HMX1: variants seen among roughly 807,000 people sequenced by gnomAD.
HMX1 encodes H6 family homeobox 1.
A neutral mutation model predicts 8.9 loss-of-function variants in HMX1; 8 were observed. That is an observed-to-expected ratio of 0.90 (90% CI 0.53 to 1.63). The LOEUF is 1.63. Among genes scored for constraint, HMX1 ranks in the 40% most tolerant of loss-of-function variants. The probability of loss-of-function intolerance (pLI) is 0.00; values close to 1 mark genes in which losing one functional copy is unlikely to be tolerated. For synonymous variants in HMX1, 311 were observed against 283.4 expected (o/e 1.10, Z -0.98); for missense variants, 621 against 558.5 (o/e 1.11, Z -1.13).
intron 1 of HMX1, among the ~76,000 whole-genome samples, chr4:8,861,961 C>G (rs1033238961): frequency 6.6e-6 from 1 of 152,250 alleles, no homozygotes; most frequent in African/African-American, 2.4e-5. Flanking sequence ...GCGTGGGTGA[C>G]TCGGGCTGGG....
At chr4:8,866,934 C>T (rs1722017033), downstream of HMX1, 1 of 351,804 alleles carries the variant, frequency 2.8e-6, no homozygotes, top group Admixed American at 6.5e-5. Context: ...TGCACCTGGC[C>T]CAGCCCTGGG....
At chr4:8,863,069 G>T (rs1264864291), downstream of HMX1, among the ~76,000 whole-genome samples, 1 of 152,064 alleles carries the variant, frequency 6.6e-6, no homozygotes, top group East Asian at 1.9e-4. Flanking sequence ...CCACTTCCCA[G>T]CGGGACCCTG....
Position 8,853,046 on chromosome 4 carries a change from C to G in HMX1, c.395-6722G>C, listed in dbSNP as rs894568266. The stretch of plus-strand genomic sequence containing the variant: ...GGTTCCTGGCCACACTAGCCCTGGG[C>G]TGCCCACCTCCCACTGTGGTCAGTG... On this transcript the variant is annotated intron_variant, in intron 1 of 1. Coordinates refer to the HMX1 transcript ENST00000506970. The surrounding 1 kb of genome is among the most constrained non-coding windows in gnomAD (Gnocchi z 4.7). 1.1e-4 allele frequency among the ~76,000 whole-genome samples: 16 copies of G among 151,966 alleles called. No homozygotes were observed. Among genetic ancestry groups the G allele is most frequent in the African/African-American group, 3.9e-4 (16 of 41,366 alleles).
rs1293606855 is a variant in HMX1, at chr4:8,871,060, A to C, written c.394+161T>G. 8.0e-6 allele frequency among the ~76,000 whole-genome samples: 1 copy of C among 125,272 alleles called. No individual in the cohort carries two copies. Among genetic ancestry groups the C allele is most frequent in the African/African-American group, 2.6e-5 (1 of 37,974 alleles). 82.2% of individuals were successfully genotyped at this position (125,272 alleles called of 152,430 possible). A position where few individuals can be genotyped will look rare whatever the true frequency, so the allele number is the denominator to read the frequency against. Reference sequence around the variant, plus strand: ...AGAGGGTGGGCCTCCAAACCAGCCCAACCAGGGGCTCCTGGGGGCCCCACA... The same window carrying C: ...AGAGGGTGGGCCTCCAAACCAGCCCCACCAGGGGCTCCTGGGGGCCCCACA... On this transcript the variant is annotated intron_variant, in intron 1 of 1. Coordinates refer to ENST00000400677, the MANE Select transcript of HMX1 (RefSeq NM_018942.3). This position sits in a 1 kb window ranked among gnomAD's most constrained non-coding sequence, Gnocchi z 4.8.
rs1187370823 is a variant in HMX1, at chr4:8,868,271, G to T, written c.469C>A (p.Pro157Thr). The change falls in exon 2 of 2, where the codon CCG becomes ACG. Residue 157 changes from proline to threonine, a missense_variant. Coordinates refer to ENST00000400677, the MANE Select transcript of HMX1 (RefSeq NM_018942.3). The surrounding 1 kb of genome is among the most constrained non-coding windows in gnomAD (Gnocchi z 4.6). ...GCTGCCTCCCGCTGCACCGCTCCCG[G>T]CCCGGGGCCTCGCGGCCAGGCGCCC... is the stretch of plus-strand genomic sequence containing the variant. ...AEGAWPRGPG[P>T]GAVQREAAEL... is the part of the protein sequence containing the mutation. The T allele has an allele frequency of 6.9e-7, 1 of 1,440,638 alleles. No individual in the cohort carries two copies. The highest frequency in any genetic ancestry group is 9.1e-7 in the Non-Finnish European group (1 of 1,102,988). The allele number at this position is 1,440,638 out of a possible 1,614,324, so 89.2% of individuals were successfully genotyped here.
Position 8,848,776 on chromosome 4 carries a change from A to G in HMX1, c.395-2452T>C, listed in dbSNP as rs143407944. 1.9e-3 allele frequency among the ~76,000 whole-genome samples: 297 copies of G among 152,354 alleles called. 5 individuals carry two copies. The East Asian group carries it at 0.032, about 16-fold the overall frequency. ...GTCAGAAGATTACCCCAGGGCAAGT[A>G]GCAAGGAGACATCATAAGGGCTTTT... On this transcript the variant is annotated intron_variant, in intron 1 of 1. Coordinates refer to the HMX1 transcript ENST00000506970. This position sits in a 1 kb window ranked among gnomAD's most constrained non-coding sequence, Gnocchi z 4.1.
downstream of HMX1, among the ~76,000 whole-genome samples, chr4:8,863,151 C>T (rs918228799): frequency 3.3e-5 from 5 of 152,152 alleles, no homozygotes; most frequent in African/African-American, 9.7e-5. Context: ...AGTGCACAGG[C>T]GGGGAGGAAC....
In HMX1 at chr4:8,849,438, T is replaced by C. The variant is rs935565154; in HGVS notation, c.395-3114A>G. Among the ~76,000 whole-genome samples the C allele has an allele frequency of 2.6e-5, 4 of 151,878 alleles. No individual in the cohort carries two copies. The highest frequency in any genetic ancestry group is 9.7e-5 in the African/African-American group (4 of 41,352). On this transcript the variant is annotated intron_variant, in intron 1 of 1. Coordinates refer to the HMX1 transcript ENST00000506970. This position sits in a 1 kb window ranked among gnomAD's most constrained non-coding sequence, Gnocchi z 6.6. ...GCACCACGTGGCCTTGAGCCACAGATTGCCAGATGCCATCAGAAGCTGGAG... is the reference window on the plus strand; with the variant it reads ...GCACCACGTGGCCTTGAGCCACAGACTGCCAGATGCCATCAGAAGCTGGAG...
Position 8,867,818 on chromosome 4 carries a change from G to A in HMX1, c.922C>T (p.Pro308Ser), listed in dbSNP as rs1040106231. ...PPATLPFPLA[P>S]AAPAPPPPLL... ...GGTGGGGGCGGCGCGGGCGCGGCGG[G>A]CGCCAGCGGGAAGGGCAGGGTGGCC... is the stretch of plus-strand genomic sequence containing the variant. The change falls in exon 2 of 2, where the codon CCC (proline) becomes TCC (serine). Residue 308 changes from proline (P) to serine (S), a missense_variant. By Grantham distance (74) the Pro-to-Ser change is moderately conservative (BLOSUM62 -1). Transcript: ENST00000400677. 396 of 1,226,040 alleles carry A rather than the reference G, an allele frequency of 3.2e-4. No individual in the cohort carries two copies. Among genetic ancestry groups the A allele is most frequent in the Non-Finnish European group, 3.9e-4 (385 of 986,742 alleles). 75.9% of individuals were successfully genotyped at this position (1,226,040 alleles called of 1,614,324 possible).
chr4:8,850,178 A>G (rs911848437), intron 1 of HMX1, among the ~76,000 whole-genome samples: 2 of 152,016 alleles, frequency 1.3e-5, no homozygotes, highest in Non-Finnish European at 1.5e-5. Flanking sequence ...ACCGCTGGGA[A>G]ACAGATGGGG....
rs887104305 is a variant in HMX1, at chr4:8,853,574, G to A, written c.395-7250C>T. Among the ~76,000 whole-genome samples, 7 of 152,216 alleles carry A rather than the reference G, an allele frequency of 4.6e-5. No homozygotes were observed. The highest frequency in any genetic ancestry group is 1.7e-4 in the African/African-American group (7 of 41,464). ...AAAGGTAAAAGGGGAGAATGCGGCT[G>A]GGCATGGTGGCTCACACCTGTAATC... On this transcript the variant is annotated intron_variant, in intron 1 of 1. Transcript: ENST00000506970. The surrounding 1 kb of genome is among the most constrained non-coding windows in gnomAD (Gnocchi z 4.7).
chr4:8,862,915 C>A (rs537713487), downstream of HMX1, among the ~76,000 whole-genome samples: 1 of 152,306 alleles, frequency 6.6e-6, no homozygotes, highest in African/African-American at 2.4e-5. Context: ...GAGGACAGGG[C>A]TGTCCCCTCT....
chr4:8,846,390 T>C (rs1036061189), intron 1 of HMX1: 3 of 1,271,726 alleles, frequency 2.4e-6, no homozygotes, highest in African/African-American at 3.0e-5. Flanking sequence ...CAGCTAATCC[T>C]GGATGCTCCA....
exon 2 of HMX1, chr4:8,846,267 G>C (rs1054998524): frequency 1.3e-6 from 2 of 1,535,156 alleles, no homozygotes; most frequent in African/African-American, 2.7e-5. Context: ...GTATTTATCA[G>C]CTCTGGTCAC....
downstream of HMX1, among the ~76,000 whole-genome samples, chr4:8,863,738 C>CGGCCAAGGGCCTGGAGT (rs2109467931): frequency 6.6e-6 from 1 of 152,376 alleles, no homozygotes; most frequent in South Asian, 2.1e-4. Context: ...CCTGCTCTCT[C>CGGCCAAGGGCCTGGAGT]GGCCAAGGGC....
At chr4:8,865,183 C>T (rs983468190), downstream of HMX1, among the ~76,000 whole-genome samples, 21 of 152,308 alleles carry the variant, frequency 1.4e-4, no homozygotes, top group Middle Eastern at 3.4e-3. Flanking sequence ...AGGACCTGGG[C>T]GCCACCACTG....
At chr4:8,862,662 GT>G (rs200839260), downstream of HMX1, among the ~76,000 whole-genome samples, 583 of 152,330 alleles carry the variant, frequency 3.8e-3, 9 homozygotes, top group East Asian at 0.029. Flanking sequence ...CTCAAAGGCA[GT>G]TGGCTTTTGA....
intron 1 of HMX1, among the ~76,000 whole-genome samples, chr4:8,852,630 A>G (rs1721490341): frequency 6.6e-6 from 1 of 152,194 alleles, no homozygotes; most frequent in Non-Finnish European, 1.5e-5. Flanking sequence ...CTGGGGAAGA[A>G]CCAGGTCACT....
Position 8,868,335 on chromosome 4 carries a change from C to G in HMX1, c.405G>C (p.Arg135=). The part of the protein sequence containing the change: ...GGGLSPDTSD[R]DSPETGEEMG... ...TCTCCTCGCCCGTCTCCGGTGAGTC[C>G]CGGTCGCTGGCTGCAGGGGAGAGAG... The change falls in exon 2 of 2, where the codon CGG becomes CGC. Residue 135 remains arginine, a synonymous_variant. Transcript: ENST00000400677. This position sits in a 1 kb window ranked among gnomAD's most constrained non-coding sequence, Gnocchi z 4.6. 1 of 1,393,540 alleles carries G rather than the reference C, an allele frequency of 7.2e-7. No individual in the cohort carries two copies. The highest frequency in any genetic ancestry group is 1.5e-5 in the African/African-American group (1 of 65,928). The allele number at this position is 1,393,540 out of a possible 1,614,324, so 86.3% of individuals were successfully genotyped here.
Sources: gnomAD v4.1 joint callset for allele counts (sites outside exome capture counted in the v4.1 genomes callset) on GRCh38, gnomAD v4.1.1 for gene constraint, Gnocchi (gnomAD v3.1) non-coding constraint, MANE v1.5 for transcripts, NCBI Gene and HGNC (gene_info 2026-07-23, HGNC 2026-07-21) for gene names.